Variants in GRIN2C observed in about 807,000 individuals in gnomAD.
GRIN2C encodes the protein glutamate receptor ionotropic, NMDA 2C.
GRIN2C carries 64 observed loss-of-function variants against 77.7 expected under a neutral mutation model. The ratio of observed to expected loss-of-function variants is 0.82; its 90% CI spans 0.67 to 1.01. GRIN2C has a LOEUF of 1.01. Ranked by LOEUF, GRIN2C falls within the 50% of genes least tolerant of loss-of-function variation. GRIN2C has a pLI of 0.00. For missense variants in GRIN2C, 1,549 were observed against 1,486.0 expected, an observed-to-expected ratio of 1.04 and a Z score of -0.70; for synonymous variants, 792 against 643.4, an observed-to-expected ratio of 1.23 and a Z score of -3.49.
chr17:74,842,862 C>G lies in GRIN2C; in HGVS notation c.3275G>C (p.Arg1092Pro). Residue 1092 changes from arginine to proline, a missense_variant, in exon 13 of 13, where the codon CGG becomes CCG. By Grantham distance (103) the Arg-to-Pro change is moderately radical. This residue lies in a region of GRIN2C where 450 missense variants were observed against 267.9 expected (regional missense o/e 1.68). Coordinates refer to ENST00000293190, the MANE Select transcript of GRIN2C (RefSeq NM_000835.6). ...LPSSVAEAFA[R>P]PSSLPAGCTG... ...GCACCCAGCGGGCAGCGAGCTGGGCCGAGCGAAGGCCTCGGCCACGGAGCT... is the reference window on the plus strand; with the variant it reads ...GCACCCAGCGGGCAGCGAGCTGGGCGGAGCGAAGGCCTCGGCCACGGAGCT... 2 of 563,650 alleles carry G rather than the reference C, an allele frequency of 3.5e-6. No individual in the cohort carries two copies. Among genetic ancestry groups the G allele is most frequent in the South Asian group, 2.2e-5 (1 of 45,640 alleles). 34.9% of individuals were successfully genotyped at this position (563,650 alleles called of 1,614,324 possible).
Position 74,847,272 on chromosome 17 carries a change from GCC to G in GRIN2C, c.2001+34_2001+35del, listed in dbSNP as rs3833106. The stretch of plus-strand genomic sequence containing the variant: ...CTCACGGCCTGTCCCCACCCTCAGT[GCC>G]CCCCCCCACCCCCAGCAGCTATGGC... On this transcript the variant is annotated intron_variant, in intron 9 of 12. Transcript: ENST00000293190. This position sits in a 1 kb window ranked among gnomAD's most constrained non-coding sequence, Gnocchi z 5.2. The G allele has an allele frequency of 8.5e-5, 59 of 692,488 alleles. No homozygotes were observed. In the Middle Eastern group the frequency reaches 9.6e-4, roughly 11 times the overall value. 42.9% of individuals were successfully genotyped at this position (692,488 alleles called of 1,614,324 possible).
Position 74,859,188 on chromosome 17 carries a change from C to T in GRIN2C, c.-16+556G>A, listed in dbSNP as rs940029956. 1.3e-5 allele frequency among the ~76,000 whole-genome samples: 2 copies of T among 152,178 alleles called. No homozygotes were observed. Among genetic ancestry groups the T allele is most frequent in the Non-Finnish European group, 2.9e-5 (2 of 68,028 alleles). The stretch of plus-strand genomic sequence containing the variant: ...CTGCCCACCCACCCACTCAGGGTCT[C>T]ACCCCTTCCACAAACAGCCCTTAAA... On this transcript the variant is annotated intron_variant, in intron 1 of 12. Transcript: ENST00000293190. This position sits in a 1 kb window ranked among gnomAD's most constrained non-coding sequence, Gnocchi z 5.9.
At chr17:74,860,349 G>A (rs2037923346), upstream of GRIN2C, 2 of 450,354 alleles carry the variant, frequency 4.4e-6, no homozygotes, top group Non-Finnish European at 9.0e-6. Context: ...CGAGGGCTGG[G>A]GGACCGAGCC....
In GRIN2C at chr17:74,844,450, GTTC is replaced by G. The variant is rs751191029; in HGVS notation, c.2406_2408del (p.Lys802del). 11 of 1,614,068 alleles carry G rather than the reference GTTC, an allele frequency of 6.8e-6. No individual in the cohort carries two copies. Among genetic ancestry groups the G allele is most frequent in the East Asian group, 2.2e-5 (1 of 44,900 alleles). On this transcript the variant is annotated inframe_deletion, in exon 12 of 13. Coordinates refer to ENST00000293190, the MANE Select transcript of GRIN2C (RefSeq NM_000835.6). ...TGTCCAGCTTGCTGCTCATCACCTC[GTTC>G]TTCTCATTCTGGCAGATCCCTGAGA...
rs974560578 is a variant in GRIN2C, at chr17:74,846,827, T to G, written c.2095A>C (p.Met699Leu). The change falls in exon 10 of 13, where the codon ATG becomes CTG. Residue 699 changes from methionine (M) to leucine (L), a missense_variant. By Grantham distance (15) the Met-to-Leu change is conservative (BLOSUM62 2). Around this residue, in one of 3 missense-constraint regions of GRIN2C, gnomAD observed 717 missense variants for 858.1 expected, o/e 0.84. Coordinates refer to ENST00000293190, the MANE Select transcript of GRIN2C (RefSeq NM_000835.6). The surrounding 1 kb of genome is among the most constrained non-coding windows in gnomAD (Gnocchi z 4.4). Reference protein sequence around the residue: ...ERNIRSNYRDMHTHMVKFNQR... With the variant: ...ERNIRSNYRDLHTHMVKFNQR... ...TTGAACTTGACCATGTGGGTGTGCA[T>G]GTCACGGTAGTTACTGCGGATGTTC... The G allele has an allele frequency of 6.2e-7, 1 of 1,614,116 alleles. No individual in the cohort carries two copies. The highest frequency in any genetic ancestry group is 1.7e-5 in the Admixed American group (1 of 60,024).
chr17:74,849,290 C>T lies in GRIN2C; in HGVS notation c.1645+490G>A, dbSNP rs1189276133. Among the ~76,000 whole-genome samples the T allele has an allele frequency of 6.6e-6, 1 of 152,180 alleles. No individual in the cohort carries two copies. Among genetic ancestry groups the T allele is most frequent in the African/African-American group, 2.4e-5 (1 of 41,432 alleles). ...CTTCACAGCTCTCTGCCACCTCACA[C>T]TTCATGTCCCACGTGGCCTCTGACA... On this transcript the variant is annotated intron_variant, in intron 7 of 12. Coordinates refer to ENST00000293190, the MANE Select transcript of GRIN2C (RefSeq NM_000835.6). The surrounding 1 kb of genome is among the most constrained non-coding windows in gnomAD (Gnocchi z 4.6).
Position 74,848,364 on chromosome 17 carries a change from T to C in GRIN2C, c.1646-387A>G, listed in dbSNP as rs745567281. Among the ~76,000 whole-genome samples, 7 of 152,192 alleles carry C rather than the reference T, an allele frequency of 4.6e-5. No homozygotes were observed. The East Asian group carries it at 1.2e-3, about 25-fold the overall frequency. ...ACATGGAAACCCACACCCAGGGAAC[T>C]GGAGACATCCACCCCAGGCCTCAGA... On this transcript the variant is annotated intron_variant, in intron 7 of 12. Coordinates refer to ENST00000293190, the MANE Select transcript of GRIN2C (RefSeq NM_000835.6).
chr17:74,846,773 T>A lies in GRIN2C; in HGVS notation c.2149A>T (p.Ser717Cys), dbSNP rs1192468561. 1 of 1,613,690 alleles carries A rather than the reference T, an allele frequency of 6.2e-7. No individual in the cohort carries two copies. The highest frequency in any genetic ancestry group is 1.3e-5 in the African/African-American group (1 of 74,926). ...CTGGGGACCCACCCCATCTTGAGGC[T>A]GGTGAGCGCGTCCTCCACCGAGCGC... Reference protein sequence around the residue: ...NQRSVEDALTSLKMGKLDAFI... With the variant: ...NQRSVEDALTCLKMGKLDAFI... The change falls in exon 10 of 13, where the codon AGC becomes TGC. Residue 717 changes from serine to cysteine, a missense_variant. Ser to Cys is a moderately radical substitution (Grantham distance 112). This residue lies in a region of GRIN2C where 717 missense variants were observed against 858.1 expected (regional missense o/e 0.84). Coordinates refer to ENST00000293190, the MANE Select transcript of GRIN2C (RefSeq NM_000835.6). The surrounding 1 kb of genome is among the most constrained non-coding windows in gnomAD (Gnocchi z 4.4).
upstream of GRIN2C, among the ~76,000 whole-genome samples, chr17:74,860,234 G>A (rs1173800443): frequency 6.6e-6 from 1 of 152,242 alleles, no homozygotes; most frequent in African/African-American, 2.4e-5. Flanking sequence ...ACCTGGACGG[G>A]CTCTGAAATA....
rs550602583 is a variant in GRIN2C, at chr17:74,858,703, G to T, written c.-16+1041C>A. 2.0e-5 allele frequency among the ~76,000 whole-genome samples: 3 copies of T among 150,800 alleles called. No individual in the cohort carries two copies. In the South Asian group the frequency reaches 6.3e-4, roughly 32 times the overall value. ...TCACACAGGACAGCTACACCCTGGT[G>T]CCCACAAATGAAGTCCAGACAGCTT... On this transcript the variant is annotated intron_variant, in intron 1 of 12. Coordinates refer to ENST00000293190, the MANE Select transcript of GRIN2C (RefSeq NM_000835.6).
chr17:74,850,720 C>T lies in GRIN2C; in HGVS notation c.1161G>A (p.Trp387Ter). The T allele has an allele frequency of 6.2e-7, 1 of 1,613,508 alleles. No homozygotes were observed. Among genetic ancestry groups the T allele is most frequent in the Non-Finnish European group, 8.5e-7 (1 of 1,180,002 alleles). Residue 387 changes from tryptophan to a stop codon, truncating the protein, a stop_gained, in exon 5 of 13, where the codon TGG becomes TGA. Transcript: ENST00000293190. LOFTEE classifies it high-confidence loss of function. The surrounding 1 kb of genome is among the most constrained non-coding windows in gnomAD (Gnocchi z 5.3). ...GCTGCAGAGAGGCACTGTAGCGAGGCCACACGGGGTACTTCATGTATAGGA... is the reference window on the plus strand; with the variant it reads ...GCTGCAGAGAGGCACTGTAGCGAGGTCACACGGGGTACTTCATGTATAGGA... Reference protein sequence around the residue: ...HGVLYMKYPVWPRYSASLQPV... With the variant: ...HGVLYMKYPV
rs1161057621 is a variant in GRIN2C at position 74,843,279 on chromosome 17, G to C, written c.2858C>G (p.Pro953Arg). 9.8e-7 allele frequency: 1 copy of C among 1,023,104 alleles called. No individual in the cohort carries two copies. Among genetic ancestry groups the C allele is most frequent in the East Asian group, 3.1e-5 (1 of 31,752 alleles). The allele number at this position is 1,023,104 out of a possible 1,614,324, so 63.4% of individuals were successfully genotyped here. A position where few individuals can be genotyped will look rare whatever the true frequency, so the allele number is the denominator to read the frequency against. Residue 953 changes from proline to arginine, a missense_variant, in exon 13 of 13, where the codon CCA (proline) becomes CGA (arginine). Coordinates refer to ENST00000293190, the MANE Select transcript of GRIN2C (RefSeq NM_000835.6). The part of the protein sequence containing the change: ...SPCLPTPDPP[P>R]EPSPTGWGPP... ...TCCCCAGCCCGTGGGGCTCGGCTCT[G>C]GGGGCGGGTCGGGGGTGGGCAGGCA...
chr17:74,842,896 A>G lies in GRIN2C; in HGVS notation c.3241T>C (p.Ser1081Pro). Reference protein sequence around the residue: ...WARGSRPRHASLPSSVAEAFA... With the variant: ...WARGSRPRHAPLPSSVAEAFA... ...GCCTCGGCCACGGAGCTGGGCAGGG[A>G]AGCGTGACGCGGGCGCGAGCCCCGG... The change falls in exon 13 of 13, where the codon TCC becomes CCC. Residue 1081 changes from serine to proline, a missense_variant. Physicochemically the swap from Ser to Pro is moderately conservative, Grantham distance 74. Around this residue, in one of 3 missense-constraint regions of GRIN2C, gnomAD observed 450 missense variants for 267.9 expected, o/e 1.68. Transcript: ENST00000293190. The G allele has an allele frequency of 1.7e-6, 1 of 572,520 alleles. No homozygotes were observed. 35.5% of individuals were successfully genotyped at this position (572,520 alleles called of 1,614,324 possible). A position where few individuals can be genotyped will look rare whatever the true frequency, so the allele number is the denominator to read the frequency against.
chr17:74,844,267 G>A lies in GRIN2C; in HGVS notation c.2583+9C>T. ...ACTTTGGCCTGTGTGGGGAGGGGTG[G>A]GCACCCACCCTGCTGAAAGCCAGCA... is the stretch of plus-strand genomic sequence containing the variant. On this transcript the variant is annotated intron_variant, in intron 12 of 12. Transcript: ENST00000293190. 1 of 1,613,310 alleles carries A rather than the reference G, an allele frequency of 6.2e-7. No individual in the cohort carries two copies. Among genetic ancestry groups the A allele is most frequent in the African/African-American group, 1.3e-5 (1 of 75,022 alleles).
At position 74,846,944 on chromosome 17, in the gene GRIN2C, G is replaced by C. The variant is rs751739510; in HGVS notation, c.2002-24C>G. On this transcript the variant is annotated intron_variant, in intron 9 of 12. Transcript: ENST00000293190. This position sits in a 1 kb window ranked among gnomAD's most constrained non-coding sequence, Gnocchi z 4.4. ...AACTGCAGGCGGAGGGCAGCAGCCA[G>C]TCACAACCCTTCCTCCAGCCTTCCA... is the stretch of plus-strand genomic sequence containing the variant. The C allele has an allele frequency of 1.3e-6, 2 of 1,593,290 alleles. No homozygotes were observed. The highest frequency in any genetic ancestry group is 1.7e-6 in the Non-Finnish European group (2 of 1,167,588).
rs1270170226 is a variant in GRIN2C at position 74,843,435 on chromosome 17, C to T, written c.2702G>A (p.Arg901His). Residue 901 changes from arginine (R) to histidine (H), a missense_variant, in exon 13 of 13, where the codon CGC becomes CAC. Physicochemically the swap from Arg to His is conservative, Grantham distance 29. Transcript: ENST00000293190. ...TACGCCCGCCGTGGTCACCATGTCG[C>T]GGGCTGCCTGCAGCATCTTGAGCAC... is the stretch of plus-strand genomic sequence containing the variant. ...ASVLKMLQAARDMVTTAGVSS... is the reference protein window; with the variant it reads ...ASVLKMLQAAHDMVTTAGVSS... 1 of 1,535,804 alleles carries T rather than the reference C, an allele frequency of 6.5e-7. No homozygotes were observed. Among genetic ancestry groups the T allele is most frequent in the Non-Finnish European group, 8.7e-7 (1 of 1,146,228 alleles).
At chr17:74,852,646 GCCGA>G in intron 2 of GRIN2C, 35 bp from the exon 3 acceptor site, 2 of 997,176 alleles carry the variant, frequency 2.0e-6, no homozygotes, top group Non-Finnish European at 2.7e-6. Flanking sequence ...GGGCGGGAGG[GCCGA>G]GCCCCTCCTC....
intron 1 of GRIN2C, 99 bp from the exon 2 acceptor site, chr17:74,855,206 G>T: frequency 1.0e-6 from 1 of 981,348 alleles, no homozygotes; most frequent in Non-Finnish European, 1.4e-6. Context: ...TACGGAAGAT[G>T]AAAGAGAAGA....
chr17:74,850,097 C>G lies in GRIN2C; in HGVS notation c.1491+109G>C. On this transcript the variant is annotated intron_variant, in intron 6 of 12. Transcript: ENST00000293190. The surrounding 1 kb of genome is among the most constrained non-coding windows in gnomAD (Gnocchi z 5.3). Reference sequence around the variant, plus strand: ...CAGTACTGACCACCCCAGGAGTCATCATTGGTGACAGCCCATGCCCCCCTC... The same window carrying G: ...CAGTACTGACCACCCCAGGAGTCATGATTGGTGACAGCCCATGCCCCCCTC... 7.2e-7 allele frequency: 1 copy of G among 1,384,794 alleles called. No homozygotes were observed. The highest frequency in any genetic ancestry group is 1.0e-6 in the Non-Finnish European group (1 of 995,354). The allele number at this position is 1,384,794 out of a possible 1,614,324, so 85.8% of individuals were successfully genotyped here.
Sources: allele counts gnomAD v4.1 joint callset (sites outside exome capture counted in the v4.1 genomes callset), GRCh38; gene constraint gnomAD v4.1.1; regional missense constraint gnomAD v4.1.1; non-coding constraint Gnocchi (gnomAD v3.1); transcripts MANE v1.5; gene names NCBI Gene and HGNC (gene_info 2026-07-23, HGNC 2026-07-21).